ERCC1: variants seen among roughly 807,000 people sequenced by gnomAD.
ERCC1 encodes the protein ERCC excision repair 1, endonuclease non-catalytic subunit.
ERCC1 carries 36 observed loss-of-function variants against 37.6 expected under a neutral mutation model. The observed-to-expected ratio is 0.96, with a 90% CI of 0.73 to 1.26. The LOEUF is 1.26. Ranked by LOEUF, ERCC1 falls within the 50% of genes most tolerant of loss-of-function variation. ERCC1 has a pLI of 0.00. For missense variants in ERCC1, 349 were observed against 376.5 expected (o/e 0.93, Z 0.60); for synonymous variants, 156 against 162.1 (o/e 0.96, Z 0.28).
intron 1 of ERCC1, among the ~76,000 whole-genome samples, chr19:45,447,086 G>A (rs950172066): frequency 6.6e-6 from 1 of 152,168 alleles, no homozygotes; most frequent in East Asian, 1.9e-4. Context: ...CACAGGCACA[G>A]AGGGTCCACC....
chr19:45,409,705 G>A lies in ERCC1; in HGVS notation c.864C>T (p.Val288=), dbSNP rs765177749. 3 of 916,186 alleles carry A rather than the reference G, an allele frequency of 3.3e-6. No individual in the cohort carries two copies. The highest frequency in any genetic ancestry group is 3.4e-5 in the Admixed American group (2 of 58,864). The allele number at this position is 916,186 out of a possible 1,614,324, so 56.8% of individuals were successfully genotyped here. Residue 288 remains valine (V), a synonymous_variant, in exon 10 of 10, where the codon GTC becomes GTT. Transcript: ENST00000300853. Reference sequence around the variant, plus strand: ...GTACTTTCAAGAAGGGCTCGTGCAGGACATCAAACAGCCTCCGGGCCTGGA... The same window carrying A: ...GTACTTTCAAGAAGGGCTCGTGCAGAACATCAAACAGCCTCCGGGCCTGGA... ...GPQKARRLFD[V]LHEPFLKVP
intron 1 of ERCC1, among the ~76,000 whole-genome samples, chr19:45,439,436 G>T (rs1975061434): frequency 6.6e-6 from 1 of 152,156 alleles, no homozygotes; most frequent in African/African-American, 2.4e-5. Context: ...AGTGGCTCAG[G>T]CCTTTAATCC....
chr19:45,433,928 T>A (rs760067109), intron 1 of ERCC1, among the ~76,000 whole-genome samples: 4 of 150,358 alleles, frequency 2.7e-5, no homozygotes, highest in Non-Finnish European at 5.9e-5. Context: ...AGGTCAGGAG[T>A]TCGAGACCAT....
chr19:45,446,648 T>C (rs1392041564), intron 1 of ERCC1, among the ~76,000 whole-genome samples: 1 of 152,112 alleles, frequency 6.6e-6, no homozygotes, highest in East Asian at 1.9e-4. Context: ...TACTCATCCA[T>C]GTGGGCCCCA....
intron 1 of ERCC1, among the ~76,000 whole-genome samples, chr19:45,443,353 A>G (rs1470073000): frequency 6.6e-6 from 1 of 152,196 alleles, no homozygotes; most frequent in Admixed American, 6.5e-5. Flanking sequence ...AATGAATCGA[A>G]TGAAAAGGGT....
rs1408849649 is a variant in ERCC1 at position 45,416,839 on chromosome 19, G to A, written c.584C>T (p.Thr195Ile). 1 of 1,613,596 alleles carries A rather than the reference G, an allele frequency of 6.2e-7. No homozygotes were observed. Among genetic ancestry groups the A allele is most frequent in the East Asian group, 2.2e-5 (1 of 44,854 alleles). Reference protein sequence around the residue: ...LAKMCILADCTLILAWSPEEA... With the variant: ...LAKMCILADCILILAWSPEEA... ...ATCTCACCTCCAGGCGAGGATCAAT[G>A]TGCAGTCGGCCAGGATACACATCTT... The change falls in exon 6 of 10, where the codon ACA (threonine) becomes ATA (isoleucine). Residue 195 changes from threonine to isoleucine, a missense_variant. Physicochemically the swap from Thr to Ile is moderately conservative, Grantham distance 89 (BLOSUM62 -1). Transcript: ENST00000300853.
Position 45,408,944 on chromosome 19 carries a change from C to A in ERCC1, c.*731G>T. On this transcript the variant is annotated 3_prime_UTR_variant, in exon 10 of 10. Coordinates refer to ENST00000300853, the MANE Select transcript of ERCC1 (RefSeq NM_001983.4). Reference sequence around the variant, plus strand: ...ACTGGAGGAAGCCATCCCTCTGCCCCCTACGAAGAAGAGGAAAAAAGAAAA... The same window carrying A: ...ACTGGAGGAAGCCATCCCTCTGCCCACTACGAAGAAGAGGAAAAAAGAAAA... 1 of 1,614,004 alleles carries A rather than the reference C, an allele frequency of 6.2e-7. No individual in the cohort carries two copies. Among genetic ancestry groups the A allele is most frequent in the Non-Finnish European group, 8.5e-7 (1 of 1,179,988 alleles).
chr19:45,434,886 C>T, intron 1 of ERCC1, among the ~76,000 whole-genome samples: 1 of 152,054 alleles, frequency 6.6e-6, no homozygotes, highest in Non-Finnish European at 1.5e-5. Context: ...AGCGATTCTG[C>T]TGTCTCAGCC....
intron 1 of ERCC1, among the ~76,000 whole-genome samples, chr19:45,443,945 C>T (rs1041944981): frequency 2.0e-5 from 3 of 151,312 alleles, no homozygotes; most frequent in South Asian, 2.1e-4. Flanking sequence ...TCTGCCCTCA[C>T]ACTCATCGCT....
At chr19:45,413,899 G>C (rs104894989) in intron 8 of ERCC1, 64 bp downstream of exon 8, 4 of 1,578,334 alleles carry the variant, frequency 2.5e-6, no homozygotes, top group African/African-American at 1.3e-5. Flanking sequence ...GGAAATGGGT[G>C]ACAGGCTTTC....
In ERCC1 at chr19:45,408,361, G is replaced by A. The variant is rs1973476604; in HGVS notation, c.*1314C>T. 2.5e-6 allele frequency: 4 copies of A among 1,608,018 alleles called. No individual in the cohort carries two copies. Among genetic ancestry groups the A allele is most frequent in the Non-Finnish European group, 3.4e-6 (4 of 1,175,816 alleles). ...AATCCCTGTCAGGGAGCCCTCTGCA[G>A]CCCATCCCAGCAAGTCCCCCACCAC... On this transcript the variant is annotated 3_prime_UTR_variant, in exon 10 of 10. Coordinates refer to ENST00000300853, the MANE Select transcript of ERCC1 (RefSeq NM_001983.4).
intron 5 of ERCC1, 120 bp from the exon 6 acceptor site, chr19:45,417,017 A>G (rs1974108360): frequency 1.4e-6 from 1 of 739,582 alleles, no homozygotes; most frequent in Non-Finnish European, 2.4e-6. Flanking sequence ...GAACTGCTTG[A>G]ACCCGGGAGG....
In ERCC1 at chr19:45,412,006, A is replaced by G. The variant is rs188030618; in HGVS notation, c.843+1671T>C. Among the ~76,000 whole-genome samples the G allele has an allele frequency of 7.4e-3, 1,121 of 150,806 alleles. 9 individuals carry two copies. The highest frequency in any genetic ancestry group is 0.026 in the African/African-American group (1,059 of 41,076). Reference sequence around the variant, plus strand: ...CGAGTAGCTGGGACTACAGGTGCCCACCACCACACCCAGCTAATTTTTTTT... The same window carrying G: ...CGAGTAGCTGGGACTACAGGTGCCCGCCACCACACCCAGCTAATTTTTTTT... On this transcript the variant is annotated intron_variant, in intron 9 of 9. Coordinates refer to ENST00000300853, the MANE Select transcript of ERCC1 (RefSeq NM_001983.4).
intron 1 of ERCC1, among the ~76,000 whole-genome samples, chr19:45,443,133 A>T (rs1372676800): frequency 6.6e-6 from 1 of 152,038 alleles, no homozygotes; most frequent in Non-Finnish European, 1.5e-5. Flanking sequence ...TGCACTAGGG[A>T]GGGGTCTCCC....
At chr19:45,449,832 C>T (rs909928502) in intron 1 of ERCC1, among the ~76,000 whole-genome samples, 15 of 152,024 alleles carry the variant, frequency 9.9e-5, no homozygotes, top group African/African-American at 3.4e-4. Context: ...AGCATGGTGG[C>T]GGGTGCCTGT....
chr19:45,425,705 TTA>T (rs1418164449), upstream of ERCC1, among the ~76,000 whole-genome samples: 1 of 152,174 alleles, frequency 6.6e-6, no homozygotes, highest in Non-Finnish European at 1.5e-5. Context: ...AGGTCGTTGT[TTA>T]TGAGTGATGT....
chr19:45,417,429 G>A (rs1974131226), intron 5 of ERCC1, among the ~76,000 whole-genome samples: 1 of 152,194 alleles, frequency 6.6e-6, no homozygotes, highest in South Asian at 2.1e-4. Flanking sequence ...CCCAAAGGAG[G>A]ATGAGGAGGA....
rs182514826 is a variant in ERCC1 at position 45,446,803 on chromosome 19, G to T, written c.-7-23422C>A. Among the ~76,000 whole-genome samples, 516 of 152,254 alleles carry T rather than the reference G, an allele frequency of 3.4e-3. 2 individuals carry two copies. The highest frequency in any genetic ancestry group is 6.4e-3 in the Admixed American group (98 of 15,288). ...TCACGAGGTCAGGAATTCGAGACCA[G>T]CCTGACCAACATGGTGAAACCTCAT... is the stretch of plus-strand genomic sequence containing the variant. On this transcript the variant is annotated intron_variant, in intron 1 of 8. Coordinates refer to the ERCC1 transcript ENST00000423698.
chr19:45,409,160 G>A lies in ERCC1; in HGVS notation c.*515C>T. On this transcript the variant is annotated 3_prime_UTR_variant, in exon 10 of 10. Coordinates refer to ENST00000300853, the MANE Select transcript of ERCC1 (RefSeq NM_001983.4). Reference sequence around the variant, plus strand: ...AGAAAAACAGCAAGATGCCACAGTGGAGCCAGAGACAGAGGTGGTGGGGCC... The same window carrying A: ...AGAAAAACAGCAAGATGCCACAGTGAAGCCAGAGACAGAGGTGGTGGGGCC... 1.2e-5 allele frequency: 19 copies of A among 1,613,576 alleles called. No individual in the cohort carries two copies. The highest frequency in any genetic ancestry group is 1.6e-5 in the Non-Finnish European group (19 of 1,179,686).
Sources: gnomAD v4.1 joint callset for allele counts (sites outside exome capture counted in the v4.1 genomes callset) on GRCh38, gnomAD v4.1.1 for gene constraint, MANE v1.5 for transcripts, NCBI Gene and HGNC (gene_info 2026-07-23, HGNC 2026-07-21) for gene names.